The following NRG3 variants were observed in gnomAD, a reference collection of about 807,000 sequenced individuals.
NRG3 encodes the protein neuregulin 3.
NRG3 carries 31 observed loss-of-function variants against 66.9 expected under a neutral mutation model. The observed-to-expected ratio is 0.46, with a 90% CI of 0.35 to 0.63. The LOEUF is 0.63. NRG3 is among the 20% of genes least tolerant of loss of function. The pLI, the probability that NRG3 is intolerant of heterozygous loss-of-function variation, is 0.00. For missense variants in NRG3, 910 were observed against 878.9 expected, an observed-to-expected ratio of 1.04 and a Z score of -0.45; for synonymous variants, 393 against 359.4, an observed-to-expected ratio of 1.09 and a Z score of -1.06.
intron 1 of NRG3, chr10:81,878,168 A>G: frequency 1.5e-6 from 2 of 1,322,972 alleles, no homozygotes; most frequent in South Asian, 1.5e-5. Flanking sequence ...TTAATAAGTA[A>G]TGATTATTGA....
chr10:82,785,487 C>T (rs1187313445), intron 3 of NRG3, among the ~76,000 whole-genome samples: 1 of 151,966 alleles, frequency 6.6e-6, no homozygotes, highest in Non-Finnish European at 1.5e-5. Context: ...GAAATTTAAA[C>T]AGTAAAGGCT....
intron 2 of NRG3, among the ~76,000 whole-genome samples, chr10:82,613,065 G>A (rs909311073): frequency 6.6e-6 from 1 of 152,084 alleles, no homozygotes; most frequent in Admixed American, 6.6e-5. Context: ...AATATCTGTG[G>A]TATTGACATA....
intron 1 of NRG3, among the ~76,000 whole-genome samples, chr10:82,214,697 T>C (rs1170721263): frequency 6.6e-6 from 1 of 152,142 alleles, no homozygotes; most frequent in South Asian, 2.1e-4. Context: ...CTGGAACTCC[T>C]GGCCACAAGT....
At chr10:82,132,509 TATATATGATATATATG>T (rs200437807) in intron 1 of NRG3, among the ~76,000 whole-genome samples, 6,121 of 22,870 alleles carry the variant, frequency 0.27, 1,062 homozygotes, top group Non-Finnish European at 0.32. Flanking sequence ...ATATATCATA[TATATATGATATATATG>T]ATATATATAT....
intron 2 of NRG3, among the ~76,000 whole-genome samples, chr10:82,624,716 TAC>T (rs1382254897): frequency 2.0e-4 from 29 of 148,310 alleles, no homozygotes; most frequent in Non-Finnish European, 3.6e-4. Flanking sequence ...TATATATATA[TAC>T]TATATACATA....
intron 1 of NRG3, among the ~76,000 whole-genome samples, chr10:81,916,703 G>A (rs1391980773): frequency 2.6e-5 from 4 of 152,132 alleles, no homozygotes; most frequent in African/African-American, 9.7e-5. Context: ...TAGTAGAAGG[G>A]CAGGCATTGC....
chr10:82,478,443 T>G (rs1050503115), intron 2 of NRG3, among the ~76,000 whole-genome samples: 1 of 47,968 alleles, frequency 2.1e-5, no homozygotes, highest in East Asian at 4.8e-4. Flanking sequence ...AGATTAGGGA[T>G]TGGTGATGAC....
At chr10:81,971,695 G>T (rs1226238947) in intron 1 of NRG3, among the ~76,000 whole-genome samples, 1 of 152,190 alleles carries the variant, frequency 6.6e-6, no homozygotes, top group Non-Finnish European at 1.5e-5. Flanking sequence ...AGTTTCCAAC[G>T]TGTAGCACAG....
intron 2 of NRG3, among the ~76,000 whole-genome samples, chr10:82,488,262 C>T (rs774364635): frequency 3.3e-5 from 5 of 152,142 alleles, no homozygotes; most frequent in Non-Finnish European, 5.9e-5. Flanking sequence ...CATACAAACT[C>T]ATTTACTCTT....
At chr10:82,957,131 G>A (rs935365928) in intron 5 of NRG3, among the ~76,000 whole-genome samples, 2 of 151,998 alleles carry the variant, frequency 1.3e-5, no homozygotes, top group African/African-American at 2.4e-5. Flanking sequence ...TCACAAGACT[G>A]AGCTTGCTTG....
Position 82,890,341 on chromosome 10 carries a change from C to T in NRG3, c.1054+24904C>T, listed in dbSNP as rs376038003. On this transcript the variant is annotated intron_variant, in intron 4 of 8. Transcript: ENST00000372141. Reference sequence around the variant, plus strand: ...AAAGACAGTCACTTGCCCCTTTCTACTCACAGTACTTCCGTTATCTCAAAA... The same window carrying T: ...AAAGACAGTCACTTGCCCCTTTCTATTCACAGTACTTCCGTTATCTCAAAA... 1.2e-4 allele frequency among the ~76,000 whole-genome samples: 19 copies of T among 152,176 alleles called. No homozygotes were observed. The South Asian group carries it at 3.7e-3, about 30-fold the overall frequency.
intron 2 of NRG3, among the ~76,000 whole-genome samples, chr10:82,635,264 T>C (rs2133763450): frequency 6.6e-6 from 1 of 152,264 alleles, no homozygotes; most frequent in East Asian, 1.9e-4. Context: ...TCTGCAGGCA[T>C]CAGAACCCAC....
At chr10:82,369,491 G>T (rs1331126156) in intron 2 of NRG3, among the ~76,000 whole-genome samples, 2 of 137,112 alleles carry the variant, frequency 1.5e-5, no homozygotes, top group Non-Finnish European at 3.0e-5. Context: ...GTACTGGTGG[G>T]GTCTCAGTAT....
At chr10:82,469,987 CA>C in intron 2 of NRG3, among the ~76,000 whole-genome samples, 1 of 152,218 alleles carries the variant, frequency 6.6e-6, no homozygotes, top group East Asian at 1.9e-4. Context: ...GTCAATTGTA[CA>C]AAAAACTTGC....
chr10:82,708,238 A>T (rs1416621054), intron 2 of NRG3, among the ~76,000 whole-genome samples: 1 of 151,984 alleles, frequency 6.6e-6, no homozygotes, highest in Non-Finnish European at 1.5e-5. Flanking sequence ...GTTTTGTATG[A>T]TATATCCCTT....
chr10:82,378,547 C>A (rs967267802), intron 2 of NRG3, among the ~76,000 whole-genome samples: 5 of 151,910 alleles, frequency 3.3e-5, no homozygotes, highest in Admixed American at 3.3e-4. Flanking sequence ...TCCCTCTCTT[C>A]TCTTCTACTC....
intron 2 of NRG3, among the ~76,000 whole-genome samples, chr10:82,496,099 A>C (rs1297301420): frequency 2.0e-5 from 3 of 152,214 alleles, no homozygotes; most frequent in African/African-American, 7.2e-5. Context: ...TGGCATTAGC[A>C]TTATGCATGC....
chr10:82,625,456 G>T (rs923119653), intron 2 of NRG3, among the ~76,000 whole-genome samples: 1 of 152,166 alleles, frequency 6.6e-6, no homozygotes, highest in African/African-American at 2.4e-5. Flanking sequence ...AATGCAGAAA[G>T]ACAAGTGGTT....
chr10:82,441,320 T>A (rs1436606278), intron 2 of NRG3, among the ~76,000 whole-genome samples: 1 of 152,106 alleles, frequency 6.6e-6, no homozygotes, highest in Non-Finnish European at 1.5e-5. Flanking sequence ...TCGGAGAAAA[T>A]GTTTTGGTAG....
Sources: gnomAD v4.1 joint callset for allele counts (sites outside exome capture counted in the v4.1 genomes callset) on GRCh38, gnomAD v4.1.1 for gene constraint, MANE v1.5 for transcripts, NCBI Gene and HGNC (gene_info 2026-07-23, HGNC 2026-07-21) for gene names.